NKAIN2: variants seen among roughly 807,000 people sequenced by gnomAD.
The protein encoded by NKAIN2 is sodium/potassium transporting ATPase interacting 2.
In NKAIN2, 14 loss-of-function variants were observed where a neutral mutation model predicts 32.6. The ratio of observed to expected loss-of-function variants is 0.43; its 90% CI spans 0.28 to 0.67. NKAIN2 has a LOEUF of 0.67. NKAIN2 is among the 30% of genes least tolerant of loss of function. The probability of loss-of-function intolerance (pLI) is 0.17; values close to 1 mark genes in which losing one functional copy is unlikely to be tolerated. For missense variants in NKAIN2, 198 were observed against 258.3 expected (o/e 0.77, Z 1.60); for synonymous variants, 80 against 87.2 (o/e 0.92, Z 0.46).
At chr6:124,276,828 C>G (rs975984421) in intron 1 of NKAIN2, among the ~76,000 whole-genome samples, 2 of 152,180 alleles carry the variant, frequency 1.3e-5, no homozygotes, top group South Asian at 4.1e-4. Flanking sequence ...CTGGAGCAGA[C>G]AGGCCCAGAG....
chr6:124,312,764 A>C (rs1230651070), intron 2 of NKAIN2, among the ~76,000 whole-genome samples: 1 of 152,174 alleles, frequency 6.6e-6, no homozygotes, highest in Non-Finnish European at 1.5e-5. Flanking sequence ...TCTAATGCTA[A>C]TAGACTGAGT....
At chr6:123,916,877 C>T (rs949532641) in intron 1 of NKAIN2, among the ~76,000 whole-genome samples, 1 of 151,982 alleles carries the variant, frequency 6.6e-6, no homozygotes, top group African/African-American at 2.4e-5. Flanking sequence ...ACCTACCTAC[C>T]TACCTACCTC....
Position 123,929,519 on chromosome 6 carries a change from A to C in NKAIN2, c.54+125265A>C, listed in dbSNP as rs180739897. Among the ~76,000 whole-genome samples the C allele has an allele frequency of 1.1e-3, 163 of 152,246 alleles. 1 individual carries two copies. Among genetic ancestry groups the C allele is most frequent in the African/African-American group, 3.8e-3 (158 of 41,558 alleles). The stretch of plus-strand genomic sequence containing the variant: ...CTCAGGGCAAATTAAAAGAAAAGAA[A>C]ATCTAACTTTTTGCATGTTCATGCT... On this transcript the variant is annotated intron_variant, in intron 1 of 6. Transcript: ENST00000368417.
chr6:124,578,100 A>G (rs1376903094), intron 3 of NKAIN2, among the ~76,000 whole-genome samples: 1 of 150,828 alleles, frequency 6.6e-6, no homozygotes, highest in Non-Finnish European at 1.5e-5. Flanking sequence ...TAAGACTCAG[A>G]GACAAGCTGG....
intron 1 of NKAIN2, among the ~76,000 whole-genome samples, chr6:124,252,267 C>T (rs1279929965): frequency 6.6e-6 from 1 of 151,832 alleles, no homozygotes; most frequent in Non-Finnish European, 1.5e-5. Flanking sequence ...TGTATCATAC[C>T]AATCCAATAT....
intron 4 of NKAIN2, among the ~76,000 whole-genome samples, chr6:124,775,248 G>A (rs998477257): frequency 2.6e-5 from 4 of 152,192 alleles, no homozygotes; most frequent in African/African-American, 7.2e-5. Context: ...AGGCAAATGT[G>A]GAACTCAGAA....
chr6:123,898,476 C>G (rs960868426), intron 1 of NKAIN2, among the ~76,000 whole-genome samples: 1 of 151,968 alleles, frequency 6.6e-6, no homozygotes, highest in Admixed American at 6.6e-5. Flanking sequence ...ACTTTTCCTC[C>G]AGCTTCAGAC....
At chr6:123,975,040 G>C (rs1778495966) in intron 1 of NKAIN2, among the ~76,000 whole-genome samples, 1 of 152,074 alleles carries the variant, frequency 6.6e-6, no homozygotes, top group Non-Finnish European at 1.5e-5. Flanking sequence ...GGTTATTAAG[G>C]GGAAGGGAGA....
At chr6:124,148,931 G>C (rs1299602458) in intron 1 of NKAIN2, among the ~76,000 whole-genome samples, 1 of 152,142 alleles carries the variant, frequency 6.6e-6, no homozygotes, top group African/African-American at 2.4e-5. Flanking sequence ...ACAGCATTGA[G>C]AGTAAGGGTT....
chr6:123,919,579 T>G (rs1003144337), intron 1 of NKAIN2, among the ~76,000 whole-genome samples: 11 of 152,182 alleles, frequency 7.2e-5, no homozygotes, highest in Non-Finnish European at 1.0e-4. Flanking sequence ...TGTGAATAAC[T>G]GCAGGTGTTC....
chr6:124,604,913 C>T (rs1782442209), intron 3 of NKAIN2, among the ~76,000 whole-genome samples: 2 of 151,946 alleles, frequency 1.3e-5, no homozygotes. Flanking sequence ...TGCTCCATCC[C>T]AAATAGCTCC....
intron 1 of NKAIN2, among the ~76,000 whole-genome samples, chr6:124,260,698 G>A (rs142483890): frequency 6.6e-6 from 1 of 152,156 alleles, no homozygotes; most frequent in Non-Finnish European, 1.5e-5. Flanking sequence ...GGGGTGACAT[G>A]ATTTTATTAT....
At chr6:123,844,173 A>T (rs1183008654) in intron 1 of NKAIN2, among the ~76,000 whole-genome samples, 1 of 152,158 alleles carries the variant, frequency 6.6e-6, no homozygotes, top group African/African-American at 2.4e-5. Context: ...AAAGTGCCAT[A>T]CTTTGCAGTG....
chr6:124,371,670 G>T (rs1485475065), intron 3 of NKAIN2, among the ~76,000 whole-genome samples: 1 of 148,036 alleles, frequency 6.8e-6, no homozygotes, highest in Non-Finnish European at 1.5e-5. Context: ...CTCCAGCCTG[G>T]GGGAGAGAGC....
chr6:124,364,581 T>C (rs1317758199), intron 3 of NKAIN2, among the ~76,000 whole-genome samples: 2 of 151,952 alleles, frequency 1.3e-5, no homozygotes, highest in African/African-American at 4.8e-5. Flanking sequence ...GGAAGGCAAT[T>C]GAATGACATC....
At chr6:124,532,855 T>C (rs1779575638) in intron 3 of NKAIN2, among the ~76,000 whole-genome samples, 1 of 152,204 alleles carries the variant, frequency 6.6e-6, no homozygotes, top group Non-Finnish European at 1.5e-5. Context: ...GTTCCTGCTG[T>C]TCCTCACCTG....
chr6:124,303,025 G>T (rs1352774507), intron 2 of NKAIN2, among the ~76,000 whole-genome samples: 1 of 152,188 alleles, frequency 6.6e-6, no homozygotes, highest in Admixed American at 6.5e-5. Context: ...TGTGAAGCAG[G>T]CATCTTTGGT....
intron 1 of NKAIN2, among the ~76,000 whole-genome samples, chr6:124,001,293 A>G (rs1779868287): frequency 6.6e-6 from 1 of 152,032 alleles, no homozygotes; most frequent in East Asian, 1.9e-4. Context: ...AACTGTGATA[A>G]CTTGCTAAAG....
At chr6:124,234,251 T>A (rs947227475) in intron 1 of NKAIN2, among the ~76,000 whole-genome samples, 3 of 152,156 alleles carry the variant, frequency 2.0e-5, no homozygotes, top group African/African-American at 7.2e-5. Flanking sequence ...CTTCCTCCAT[T>A]TATGCAATTT....
Sources: gnomAD v4.1 joint callset for allele counts (sites outside exome capture counted in the v4.1 genomes callset) on GRCh38, gnomAD v4.1.1 for gene constraint, MANE v1.5 for transcripts, NCBI Gene and HGNC (gene_info 2026-07-23, HGNC 2026-07-21) for gene names.